SLC44A2: variants seen among roughly 807,000 people sequenced by gnomAD.
The protein encoded by SLC44A2 is choline transporter-like protein 2.
A neutral mutation model predicts 90.8 loss-of-function variants in SLC44A2; 57 were observed. The observed-to-expected ratio is 0.63, with a 90% CI of 0.51 to 0.78. SLC44A2 has a LOEUF of 0.78. SLC44A2 is among the 30% of genes least tolerant of loss of function. The pLI, the probability that SLC44A2 is intolerant of heterozygous loss-of-function variation, is 0.00. For synonymous variants in SLC44A2, 355 were observed against 360.7 expected (o/e 0.98, Z 0.18); for missense variants, 794 against 919.7 (o/e 0.86, Z 1.77).
chr19:10,615,326 C>T (rs949103062), intron 1 of SLC44A2, among the ~76,000 whole-genome samples: 3 of 151,908 alleles, frequency 2.0e-5, no homozygotes, highest in Non-Finnish European at 2.9e-5. Context: ...GTAATCCCAG[C>T]ACTTTGGGAG....
Position 10,643,711 on chromosome 19 carries a change from C to A in SLC44A2, c.*326C>A. ...TTCCTGTCCCCCGCTTACACGACAACGGGCCAGACCACAGGAAGGACGGTG... is the reference window on the plus strand; with the variant it reads ...TTCCTGTCCCCCGCTTACACGACAAAGGGCCAGACCACAGGAAGGACGGTG... On this transcript the variant is annotated 3_prime_UTR_variant, in exon 22 of 22. Coordinates refer to ENST00000335757, the MANE Select transcript of SLC44A2 (RefSeq NM_020428.4). 1 of 247,260 alleles carries A rather than the reference C, an allele frequency of 4.0e-6. No individual in the cohort carries two copies. The highest frequency in any genetic ancestry group is 8.0e-6 in the Non-Finnish European group (1 of 125,218). The allele number at this position is 247,260 out of a possible 1,614,324, so 15.3% of individuals were successfully genotyped here. A position where few individuals can be genotyped will look rare whatever the true frequency, so the allele number is the denominator to read the frequency against.
At chr19:10,610,316 G>A (rs1175063758) in intron 1 of SLC44A2, among the ~76,000 whole-genome samples, 3 of 150,490 alleles carry the variant, frequency 2.0e-5, no homozygotes, top group Middle Eastern at 3.5e-3. Flanking sequence ...ATTCTCCCTA[G>A]AGACTTTTCT....
chr19:10,636,340 T>G lies in SLC44A2; in HGVS notation c.1251T>G (p.Asn417Lys). 6.2e-7 allele frequency: 1 copy of G among 1,612,756 alleles called. No individual in the cohort carries two copies. The highest frequency in any genetic ancestry group is 8.5e-7 in the Non-Finnish European group (1 of 1,179,308). The change falls in exon 15 of 22, where the codon AAT (asparagine) becomes AAG (lysine). Residue 417 changes from asparagine (N) to lysine (K), a missense_variant. Physicochemically the swap from Asn to Lys is moderately conservative, Grantham distance 94. Coordinates refer to ENST00000335757, the MANE Select transcript of SLC44A2 (RefSeq NM_020428.4). ...TCNPETFPSS[N>K]ESRQCPNARC... is the part of the protein sequence containing the mutation. ...TCCCACAGACCTTCCCCTCCTCCAA[T>G]GAGTCCCGCCAATGCCCCAATGCCC... is the stretch of plus-strand genomic sequence containing the variant.
At chr19:10,606,582 A>C (rs1918109988) in intron 1 of SLC44A2, among the ~76,000 whole-genome samples, 1 of 152,140 alleles carries the variant, frequency 6.6e-6, no homozygotes, top group Non-Finnish European at 1.5e-5. Context: ...AGGCCGAGGC[A>C]AGTGGATCAC....
intron 20 of SLC44A2, 32 bp from the exon 21 acceptor site, chr19:10,642,334 CG>C: frequency 6.3e-7 from 1 of 1,593,934 alleles, no homozygotes; most frequent in Non-Finnish European, 8.6e-7. Context: ...GGGAAGGACA[CG>C]GAGCAGGGAC....
chr19:10,643,074 A>G (rs1378142015), intron 21 of SLC44A2: 3 of 1,410,006 alleles, frequency 2.1e-6, no homozygotes, highest in South Asian at 1.4e-5. Flanking sequence ...CTGGGGGTGC[A>G]TGAAGCGGGG....
At position 10,633,703 on chromosome 19, in the gene SLC44A2, C is replaced by T. The variant is rs116997454; in HGVS notation, c.824-1053C>T. 5.6e-3 allele frequency among the ~76,000 whole-genome samples: 851 copies of T among 152,328 alleles called. 41 individuals carry two copies. The East Asian group carries it at 0.12, about 21-fold the overall frequency. ...AACTCCTGAGCTTGAGCAGTCCTCCCGCCTTGGCCTCCCTAAGTGTTGGGA... is the reference window on the plus strand; with the variant it reads ...AACTCCTGAGCTTGAGCAGTCCTCCTGCCTTGGCCTCCCTAAGTGTTGGGA... On this transcript the variant is annotated intron_variant, in intron 10 of 21. Coordinates refer to ENST00000335757, the MANE Select transcript of SLC44A2 (RefSeq NM_020428.4).
In SLC44A2 at chr19:10,603,784, G is replaced by A. The variant is rs181003134; in HGVS notation, c.31+1223G>A. ...GGGTGCTGTGTGTCCCTTGGGTGTGGCAGGCTGTCTCTGACCTGAGAGTCT... is the reference window on the plus strand; with the variant it reads ...GGGTGCTGTGTGTCCCTTGGGTGTGACAGGCTGTCTCTGACCTGAGAGTCT... On this transcript the variant is annotated intron_variant, in intron 1 of 21. Coordinates refer to the SLC44A2 transcript ENST00000407327. 1.8e-3 allele frequency among the ~76,000 whole-genome samples: 271 copies of A among 152,340 alleles called. 5 individuals carry two copies. Among genetic ancestry groups the A allele is most frequent in the Middle Eastern group, 6.8e-3 (2 of 294 alleles).
rs1220044736 is a variant in SLC44A2, at chr19:10,634,779, T to A, written c.847T>A (p.Tyr283Asn). 6.2e-7 allele frequency: 1 copy of A among 1,613,998 alleles called. No homozygotes were observed. The highest frequency in any genetic ancestry group is 8.5e-7 in the Non-Finnish European group (1 of 1,180,034). The change falls in exon 11 of 22, where the codon TAC becomes AAC. Residue 283 changes from tyrosine (Y) to asparagine (N), a missense_variant. Tyr to Asn is a moderately radical substitution (Grantham distance 143, BLOSUM62 -2). Around this residue, in one of 3 missense-constraint regions of SLC44A2, gnomAD observed 738 missense variants for 841.1 expected, o/e 0.88. Coordinates refer to ENST00000335757, the MANE Select transcript of SLC44A2 (RefSeq NM_020428.4). Reference protein sequence around the residue: ...GYGIFHCYMEYSRLRGEAGSD... With the variant: ...GYGIFHCYMENSRLRGEAGSD... ...AGGAATATTTCACTGCTACATGGAGTACTCCCGACTGCGTGGTGAGGCCGG... is the reference window on the plus strand; with the variant it reads ...AGGAATATTTCACTGCTACATGGAGAACTCCCGACTGCGTGGTGAGGCCGG...
upstream of SLC44A2, among the ~76,000 whole-genome samples, chr19:10,621,422 G>GTTTTTTTT (rs34643212): frequency 1.3e-4 from 12 of 89,404 alleles, no homozygotes; most frequent in Non-Finnish European, 1.8e-4. Flanking sequence ...ATGGTTGGGT[G>GTTTTTTTT]TTTTTTTTTT....
Position 10,638,003 on chromosome 19 carries a change from C to A in SLC44A2, c.1770-20C>A. ...TCCCTGAAGCCAGCATTCACACCTG[C>A]CCCTCACTGTCCCCTGCAGAGTGGC... On this transcript the variant is annotated intron_variant, in intron 18 of 21. Transcript: ENST00000335757. 1 of 1,614,108 alleles carries A rather than the reference C, an allele frequency of 6.2e-7. No homozygotes were observed. The highest frequency in any genetic ancestry group is 8.5e-7 in the Non-Finnish European group (1 of 1,179,988).
In SLC44A2 at chr19:10,636,550, CT is replaced by C; in HGVS notation, c.1463del (p.Phe488SerfsTer33). ...ALRKPDDLPA[F>X]PLFSAFGRAL... ...TGCGCAAGCCGGACGACCTGCCGGC[CT>C]TCCCGCTCTTCTCTGCCTTTGGCCG... On this transcript the variant is annotated frameshift_variant, in exon 15 of 22. Coordinates refer to ENST00000335757, the MANE Select transcript of SLC44A2 (RefSeq NM_020428.4). LOFTEE classifies it high-confidence loss of function. 1 of 1,607,554 alleles carries C rather than the reference CT, an allele frequency of 6.2e-7. No homozygotes were observed.
At chr19:10,628,655 A>AT (rs1362401451) in intron 4 of SLC44A2, among the ~76,000 whole-genome samples, 2 of 152,198 alleles carry the variant, frequency 1.3e-5, no homozygotes, top group Non-Finnish European at 2.9e-5. Flanking sequence ...GATAGTAAGC[A>AT]TCCTGTTCTC....
chr19:10,608,866 G>A (rs1320149756), intron 1 of SLC44A2, among the ~76,000 whole-genome samples: 3 of 151,498 alleles, frequency 2.0e-5, no homozygotes, highest in Non-Finnish European at 2.9e-5. Context: ...GCCCAGGCTG[G>A]TCTGGAACTC....
upstream of SLC44A2, among the ~76,000 whole-genome samples, chr19:10,623,772 C>A (rs925386892): frequency 6.6e-6 from 1 of 151,928 alleles, no homozygotes. Flanking sequence ...TCACTGCAAC[C>A]TCTACCTCCC....
intron 1 of SLC44A2, among the ~76,000 whole-genome samples, chr19:10,620,473 A>G (rs1321754282): frequency 6.6e-6 from 1 of 152,160 alleles, no homozygotes; most frequent in Non-Finnish European, 1.5e-5. Context: ...AAACAAACAA[A>G]CAAAAAACGC....
rs777702884 is a variant in SLC44A2 at position 10,634,900 on chromosome 19, C to G, written c.955+13C>G. The G allele has an allele frequency of 2.0e-5, 33 of 1,614,084 alleles. No homozygotes were observed. The South Asian group carries it at 3.4e-4, about 17-fold the overall frequency. ...TGGTTGGCCTTTAGTGAGTCACAGT[C>G]TCCCATTCCTGCCCCCACATGAGGC... On this transcript the variant is annotated intron_variant, in intron 11 of 21. Coordinates refer to ENST00000335757, the MANE Select transcript of SLC44A2 (RefSeq NM_020428.4).
Position 10,626,313 on chromosome 19 carries a change from G to T in SLC44A2, c.86+12G>T, listed in dbSNP as rs1207148842. On this transcript the variant is annotated intron_variant, in intron 2 of 21. Transcript: ENST00000335757. ...CCCATTTACAATAGGTAAGAGCTCT[G>T]GGTTTTGGGGGGTTCTCCCCGCTAA... 6 of 1,598,908 alleles carry T rather than the reference G, an allele frequency of 3.8e-6. No individual in the cohort carries two copies. The East Asian group carries it at 1.1e-4, about 30-fold the overall frequency.
At chr19:10,618,502 C>T (rs1347202617) in intron 1 of SLC44A2, among the ~76,000 whole-genome samples, 2 of 111,806 alleles carry the variant, frequency 1.8e-5, no homozygotes, top group African/African-American at 3.7e-5. Context: ...TTTTTTGAGA[C>T]GGAGTCGTGC....
Sources: allele counts gnomAD v4.1 joint callset (sites outside exome capture counted in the v4.1 genomes callset), GRCh38; gene constraint gnomAD v4.1.1; regional missense constraint gnomAD v4.1.1; transcripts MANE v1.5; gene names NCBI Gene and HGNC (gene_info 2026-07-23, HGNC 2026-07-21).